Variants in RTBDN observed in about 807,000 individuals in gnomAD.
RTBDN encodes retbindin.
Under a neutral mutation model 21.9 loss-of-function variants are expected in RTBDN, and 24 were observed. The observed-to-expected ratio is 1.10, with a 90% CI of 0.79 to 1.54. The LOEUF is 1.54. Ranked by LOEUF, RTBDN falls within the 40% of genes most tolerant of loss-of-function variation. RTBDN has a pLI of 0.00. For missense variants in RTBDN, 325 were observed against 315.2 expected (o/e 1.03, Z -0.23); for synonymous variants, 141 against 125.9 (o/e 1.12, Z -0.80).
chr19:12,835,224 G>C (rs1969713389), upstream of RTBDN: 11 of 882,040 alleles, frequency 1.2e-5, no homozygotes, highest in Admixed American at 2.3e-4. Context: ...TAACGCCGGA[G>C]CCAGACATGA....
chr19:12,832,037 G>A (rs543735906), intron 1 of RTBDN, among the ~76,000 whole-genome samples: 1 of 152,278 alleles, frequency 6.6e-6, no homozygotes, highest in East Asian at 1.9e-4. Flanking sequence ...GTGAGTTTGT[G>A]TGTATCTGTA....
chr19:12,834,710 C>G, upstream of RTBDN: 1 of 1,576,020 alleles, frequency 6.3e-7, no homozygotes, highest in Non-Finnish European at 8.7e-7. This position sits in a 1 kb window ranked among gnomAD's most constrained non-coding sequence, Gnocchi z 4.7. Flanking sequence ...GCGTCCACTG[C>G]ACGGAGTGGG....
rs1384378598 is a variant in RTBDN, at chr19:12,825,814, T to C, written c.582A>G (p.Pro194=). The part of the protein sequence containing the change: ...ISISAVPRPR[P]GRRGREAPSR... ...AGGGAGCTTCCCGGCCCCGTCGTCCTGGTCTGGGACGAGGTACCGCGGAGA... is the reference window on the plus strand; with the variant it reads ...AGGGAGCTTCCCGGCCCCGTCGTCCCGGTCTGGGACGAGGTACCGCGGAGA... Residue 194 remains proline, a synonymous_variant, in exon 6 of 6, where the codon CCA becomes CCG. Transcript: ENST00000674343. The C allele has an allele frequency of 2.5e-6, 4 of 1,612,686 alleles. No individual in the cohort carries two copies. The East Asian group carries it at 6.7e-5, about 27-fold the overall frequency.
upstream of RTBDN, chr19:12,834,854 G>T (rs1278975818): frequency 1.2e-6 from 2 of 1,614,122 alleles, no homozygotes; most frequent in East Asian, 2.2e-5. This position sits in a 1 kb window ranked among gnomAD's most constrained non-coding sequence, Gnocchi z 4.7. Flanking sequence ...TTTCTGAGGG[G>T]TTAGTACGGA....
In RTBDN at chr19:12,830,331, C is replaced by T; in HGVS notation, c.-18-334G>A. On this transcript the variant is annotated intron_variant, in intron 1 of 5. Coordinates refer to ENST00000674343, the MANE Select transcript of RTBDN (RefSeq NM_001270441.2). This position sits in a 1 kb window ranked among gnomAD's most constrained non-coding sequence, Gnocchi z 4.2. Reference sequence around the variant, plus strand: ...TCTTTTCTCAGAATGAAGGGGACCTCCCTAGGTCTTCCAATCCCCCTCTCC... The same window carrying T: ...TCTTTTCTCAGAATGAAGGGGACCTTCCTAGGTCTTCCAATCCCCCTCTCC... 1 of 1,048,964 alleles carries T rather than the reference C, an allele frequency of 9.5e-7. No homozygotes were observed. The highest frequency in any genetic ancestry group is 1.1e-6 in the Non-Finnish European group (1 of 870,246). 65.0% of individuals were successfully genotyped at this position (1,048,964 alleles called of 1,614,324 possible).
chr19:12,825,993 C>A, intron 5 of RTBDN, 60 bp from the exon 6 acceptor site: 1 of 1,475,746 alleles, frequency 6.8e-7, no homozygotes, highest in South Asian at 1.4e-5. Context: ...GGGGGCGTGG[C>A]CTCGGGAAGG....
rs1969539862 is a variant in RTBDN, at chr19:12,830,705, G to T, written c.-18-708C>A. ...GAAAGGGGCGTGGCTTAATGCAGGG[G>T]CGGGACCTCCCACCGTCCTGCCCAC... On this transcript the variant is annotated intron_variant, in intron 1 of 5. Coordinates refer to ENST00000674343, the MANE Select transcript of RTBDN (RefSeq NM_001270441.2). The surrounding 1 kb of genome is among the most constrained non-coding windows in gnomAD (Gnocchi z 4.2). 2.0e-6 allele frequency: 2 copies of T among 984,928 alleles called. No homozygotes were observed. The highest frequency in any genetic ancestry group is 2.4e-6 in the Non-Finnish European group (2 of 829,552). 61.0% of individuals were successfully genotyped at this position (984,928 alleles called of 1,614,324 possible).
At position 12,825,678 on chromosome 19, in the gene RTBDN, G is replaced by C; in HGVS notation, c.*28C>G. 3 of 1,544,798 alleles carry C rather than the reference G, an allele frequency of 1.9e-6. No homozygotes were observed. The highest frequency in any genetic ancestry group is 2.3e-4 in the Middle Eastern group (1 of 4,374). Reference sequence around the variant, plus strand: ...GAGGGGCGGGGCTGGGGGAAGGGTCGCTCCCCCAACTCAGGGCCACGCGTC... The same window carrying C: ...GAGGGGCGGGGCTGGGGGAAGGGTCCCTCCCCCAACTCAGGGCCACGCGTC... On this transcript the variant is annotated 3_prime_UTR_variant, in exon 6 of 6. Transcript: ENST00000674343.
At chr19:12,832,121 G>A (rs1969594671) in intron 1 of RTBDN, among the ~76,000 whole-genome samples, 1 of 152,146 alleles carries the variant, frequency 6.6e-6, no homozygotes. Context: ...GAATGTGTGG[G>A]TCTGTGTTTG....
chr19:12,832,762 A>T (rs1324192551), intron 1 of RTBDN: 1 of 152,248 alleles, frequency 6.6e-6, no homozygotes, highest in Non-Finnish European at 1.5e-5. Context: ...TGAGGCGACA[A>T]GCTCCTGGTG....
chr19:12,830,661 G>A lies in RTBDN; in HGVS notation c.-18-664C>T. The A allele has an allele frequency of 4.1e-6, 4 of 985,544 alleles. No homozygotes were observed. In the South Asian group the frequency reaches 1.9e-4, roughly 46 times the overall value. 61.0% of individuals were successfully genotyped at this position (985,544 alleles called of 1,614,324 possible). On this transcript the variant is annotated intron_variant, in intron 1 of 5. Transcript: ENST00000674343. This position sits in a 1 kb window ranked among gnomAD's most constrained non-coding sequence, Gnocchi z 4.2. ...GGCCGCTAAGACACCTCAGGATCCA[G>A]TCCAGGAAACTGGCTGCTGAAAGGG...
chr19:12,825,515 G>A lies in RTBDN; in HGVS notation c.*191C>T. The A allele has an allele frequency of 1.1e-6, 1 of 878,294 alleles. No homozygotes were observed. The highest frequency in any genetic ancestry group is 1.7e-5 in the African/African-American group (1 of 58,086). 54.4% of individuals were successfully genotyped at this position (878,294 alleles called of 1,614,324 possible). ...CTGGCGACTTTATTCAAAGGGGAGA[G>A]GGAAAAGTGAGAGAGTTGGGTCATT... On this transcript the variant is annotated 3_prime_UTR_variant, in exon 6 of 6. Coordinates refer to ENST00000674343, the MANE Select transcript of RTBDN (RefSeq NM_001270441.2).
At chr19:12,834,749 A>G (rs764686979), upstream of RTBDN, 21 of 1,607,314 alleles carry the variant, frequency 1.3e-5, no homozygotes, top group East Asian at 2.2e-5. This position sits in a 1 kb window ranked among gnomAD's most constrained non-coding sequence, Gnocchi z 4.7. Context: ...GAGTGTGGGG[A>G]AGGCGGGGAC....
At chr19:12,829,137 T>C (rs1969452171) in intron 2 of RTBDN, 184 bp from the exon 3 acceptor site, 3 of 1,001,254 alleles carry the variant, frequency 3.0e-6, no homozygotes, top group Non-Finnish European at 4.3e-6. Flanking sequence ...TTCTTGTTTA[T>C]AATAATCAAC....
chr19:12,825,812 C>A lies in RTBDN; in HGVS notation c.584G>T (p.Gly195Val), dbSNP rs1969268804. The A allele has an allele frequency of 6.2e-7, 1 of 1,612,806 alleles. No individual in the cohort carries two copies. ...SISAVPRPRP[G>V]RRGREAPSRR... is the part of the protein sequence containing the mutation. ...GGAGGGAGCTTCCCGGCCCCGTCGT[C>A]CTGGTCTGGGACGAGGTACCGCGGA... The change falls in exon 6 of 6, where the codon GGA (glycine) becomes GTA (valine). Residue 195 changes from glycine to valine, a missense_variant. Coordinates refer to ENST00000674343, the MANE Select transcript of RTBDN (RefSeq NM_001270441.2).
At position 12,825,704 on chromosome 19, in the gene RTBDN, C is replaced by T; in HGVS notation, c.*2G>A. 6.4e-7 allele frequency: 1 copy of T among 1,562,068 alleles called. No individual in the cohort carries two copies. The highest frequency in any genetic ancestry group is 1.9e-5 in the Admixed American group (1 of 52,110). ...CTCCCCCAACTCAGGGCCACGCGTC[C>T]GCTAGGGGCCGCTGCCGCTTCCACT... On this transcript the variant is annotated 3_prime_UTR_variant, in exon 6 of 6. Transcript: ENST00000674343.
intron 1 of RTBDN, chr19:12,833,932 C>T: frequency 1.5e-5 from 6 of 397,484 alleles, no homozygotes; most frequent in Non-Finnish European, 2.7e-5. Flanking sequence ...TACCTCCCTC[C>T]TCCCTCCCCG....
chr19:12,835,208 T>G (rs1442608841), upstream of RTBDN: 3 of 1,061,532 alleles, frequency 2.8e-6, no homozygotes, highest in Non-Finnish European at 4.3e-6. Flanking sequence ...CTTCCAGGCG[T>G]CTGGGTAACG....
At position 12,828,616 on chromosome 19, in the gene RTBDN, C is replaced by G. The variant is rs1470539338; in HGVS notation, c.365+41G>C. 3 of 1,511,452 alleles carry G rather than the reference C, an allele frequency of 2.0e-6. No individual in the cohort carries two copies. In the South Asian group the frequency reaches 3.5e-5, roughly 18 times the overall value. 93.6% of individuals were successfully genotyped at this position (1,511,452 alleles called of 1,614,324 possible). ...ACTGCAGGCTCCGCCCTCTTCCCCG[C>G]CCAAGTCACAACCCACGCCCCTTGC... On this transcript the variant is annotated intron_variant, in intron 4 of 5. Coordinates refer to ENST00000674343, the MANE Select transcript of RTBDN (RefSeq NM_001270441.2).
Sources: allele counts gnomAD v4.1 joint callset (sites outside exome capture counted in the v4.1 genomes callset), GRCh38; gene constraint gnomAD v4.1.1; non-coding constraint Gnocchi (gnomAD v3.1); transcripts MANE v1.5; gene names NCBI Gene and HGNC (gene_info 2026-07-23, HGNC 2026-07-21).